CARMIL1: variants seen among roughly 807,000 people sequenced by gnomAD.
CARMIL1 encodes F-actin-uncapping protein LRRC16A.
In CARMIL1, 90 loss-of-function variants were observed where a neutral mutation model predicts 177.1. That is an observed-to-expected ratio of 0.51 (90% CI 0.43 to 0.61). The LOEUF (loss-of-function observed/expected upper bound fraction) is 0.61. CARMIL1 is among the 20% of genes least tolerant of loss of function. The pLI, the probability that CARMIL1 is intolerant of heterozygous loss-of-function variation, is 0.00. For missense variants in CARMIL1, 1,380 were observed against 1,667.0 expected, an observed-to-expected ratio of 0.83 and a Z score of 3.00; for synonymous variants, 577 against 606.2, an observed-to-expected ratio of 0.95 and a Z score of 0.71.
At chr6:25,323,777 C>T (rs1784863045) in intron 2 of CARMIL1, among the ~76,000 whole-genome samples, 1 of 152,198 alleles carries the variant, frequency 6.6e-6, no homozygotes. Flanking sequence ...TTCCATTCAT[C>T]ATCTTCACAT....
chr6:25,365,391 C>G (rs1433863977), intron 2 of CARMIL1, among the ~76,000 whole-genome samples: 1 of 152,152 alleles, frequency 6.6e-6, no homozygotes, highest in Non-Finnish European at 1.5e-5. Flanking sequence ...TTCCCAGCGC[C>G]TTTGGGACTT....
intron 9 of CARMIL1, among the ~76,000 whole-genome samples, chr6:25,466,471 AT>A (rs1473096315): frequency 1.3e-5 from 2 of 152,214 alleles, no homozygotes; most frequent in African/African-American, 4.8e-5. Context: ...AAGGAGAAAA[AT>A]ATTTGGTATA....
chr6:25,569,833 T>G (rs770316570), intron 29 of CARMIL1, among the ~76,000 whole-genome samples: 23 of 152,042 alleles, frequency 1.5e-4, no homozygotes, highest in Non-Finnish European at 3.1e-4. Context: ...GATTGCGACT[T>G]AAAATACCTC....
rs549932281 is a variant in CARMIL1 at position 25,514,942 on chromosome 6, A to C, written c.1633-733A>C. Among the ~76,000 whole-genome samples, 32 of 150,056 alleles carry C rather than the reference A, an allele frequency of 2.1e-4. 1 individual carries two copies. In the South Asian group the frequency reaches 6.3e-3, roughly 30 times the overall value. ...GAGACCCTGTCTCAAAAAAAAAAAA[A>C]AGATAAAATTAAAGGGTGATGATCA... On this transcript the variant is annotated intron_variant, in intron 20 of 36. Transcript: ENST00000329474.
At chr6:25,579,259 GAA>G (rs5875052) in intron 29 of CARMIL1, among the ~76,000 whole-genome samples, 20 of 143,942 alleles carry the variant, frequency 1.4e-4, no homozygotes, top group African/African-American at 4.6e-4. Flanking sequence ...CAAGAGTCAG[GAA>G]AAAAAAAAAA....
chr6:25,551,837 T>C (rs1056424599), intron 27 of CARMIL1, among the ~76,000 whole-genome samples: 1 of 152,114 alleles, frequency 6.6e-6, no homozygotes, highest in Admixed American at 6.6e-5. Flanking sequence ...GCAGAAATAA[T>C]AGCTCCTGTC....
chr6:25,607,619 G>T (rs1216985392), intron 35 of CARMIL1, among the ~76,000 whole-genome samples: 1 of 152,168 alleles, frequency 6.6e-6, no homozygotes, highest in Non-Finnish European at 1.5e-5. Flanking sequence ...TGTAAAGTAG[G>T]ATGCACAGCT....
intron 2 of CARMIL1, among the ~76,000 whole-genome samples, chr6:25,375,408 T>C (rs1215221838): frequency 6.6e-6 from 1 of 152,238 alleles, no homozygotes; most frequent in Non-Finnish European, 1.5e-5. Context: ...TTTGTCTCAC[T>C]ACTCTTAGAA....
At chr6:25,543,017 C>T (rs1268397201) in intron 26 of CARMIL1, among the ~76,000 whole-genome samples, 2 of 152,044 alleles carry the variant, frequency 1.3e-5, no homozygotes, top group African/African-American at 2.4e-5. Context: ...GAGCTAAAGT[C>T]GATGGATTAT....
intron 36 of CARMIL1, 145 bp from the exon 37 acceptor site, chr6:25,619,302 T>A: frequency 1.5e-6 from 1 of 668,206 alleles, no homozygotes; most frequent in Non-Finnish European, 2.5e-6. Context: ...TCTCTAAACA[T>A]AATAGCAAGT....
At chr6:25,542,732 TA>T (rs1809047041) in intron 26 of CARMIL1, among the ~76,000 whole-genome samples, 1 of 152,204 alleles carries the variant, frequency 6.6e-6, no homozygotes, top group Non-Finnish European at 1.5e-5. Context: ...TTTTGATACT[TA>T]TAATGGACTT....
chr6:25,485,438 C>T (rs896257621), intron 12 of CARMIL1, among the ~76,000 whole-genome samples: 9 of 152,142 alleles, frequency 5.9e-5, no homozygotes, highest in African/African-American at 9.7e-5. Flanking sequence ...TTTATTTAGA[C>T]GGAGTCTCGC....
intron 2 of CARMIL1, among the ~76,000 whole-genome samples, chr6:25,368,573 G>C (rs1164310869): frequency 1.3e-5 from 2 of 152,090 alleles, no homozygotes; most frequent in African/African-American, 2.4e-5. Flanking sequence ...CATTACTCAG[G>C]AATCTCATAG....
chr6:25,469,427 A>G (rs1800903980), intron 9 of CARMIL1, among the ~76,000 whole-genome samples: 3 of 152,200 alleles, frequency 2.0e-5, no homozygotes, highest in Non-Finnish European at 4.4e-5. Flanking sequence ...CTTTGATATT[A>G]TATGCTGTGG....
chr6:25,318,827 A>T (rs1784468828), intron 2 of CARMIL1, among the ~76,000 whole-genome samples: 1 of 152,086 alleles, frequency 6.6e-6, no homozygotes, highest in Admixed American at 6.5e-5. Flanking sequence ...CATCTCCTCA[A>T]AGCCATTGTT....
chr6:25,540,632 A>C (rs755397609), intron 26 of CARMIL1, among the ~76,000 whole-genome samples: 1 of 152,220 alleles, frequency 6.6e-6, no homozygotes, highest in African/African-American at 2.4e-5. Flanking sequence ...GGAATAGAGT[A>C]ATCTAAGACC....
intron 8 of CARMIL1, among the ~76,000 whole-genome samples, chr6:25,464,826 A>T (rs1800450442): frequency 6.6e-6 from 1 of 152,192 alleles, no homozygotes; most frequent in East Asian, 1.9e-4. Context: ...AGTTTTTCAT[A>T]ACTGAACAGA....
chr6:25,341,848 C>T (rs570009766), intron 2 of CARMIL1, among the ~76,000 whole-genome samples: 33 of 152,300 alleles, frequency 2.2e-4, no homozygotes, highest in Admixed American at 2.0e-3. Flanking sequence ...GTTCTGAGAA[C>T]ATTTTGGATC....
intron 2 of CARMIL1, among the ~76,000 whole-genome samples, chr6:25,316,242 C>G (rs1009545022): frequency 6.6e-6 from 1 of 152,024 alleles, no homozygotes; most frequent in Admixed American, 6.6e-5. Flanking sequence ...GCCTGCCTGG[C>G]GAAGCATTGC....
Sources: gnomAD v4.1 joint callset for allele counts (sites outside exome capture counted in the v4.1 genomes callset) on GRCh38, gnomAD v4.1.1 for gene constraint, MANE v1.5 for transcripts, NCBI Gene and HGNC (gene_info 2026-07-23, HGNC 2026-07-21) for gene names.